Variants in WWOX observed in about 807,000 individuals in gnomAD.
The protein encoded by WWOX is WW domain-containing oxidoreductase.
WWOX carries 69 observed loss-of-function variants against 46.2 expected under a neutral mutation model. The ratio of observed to expected loss-of-function variants is 1.49; its 90% CI spans 1.23 to 1.82. The LOEUF is 1.82. Among genes scored for constraint, WWOX ranks in the 40% most tolerant of loss-of-function variants. The probability of loss-of-function intolerance (pLI) is 0.00; values close to 1 mark genes in which losing one functional copy is unlikely to be tolerated. For missense variants in WWOX, 919 were observed against 542.6 expected (o/e 1.69, Z -6.89); for synonymous variants, 359 against 202.6 (o/e 1.77, Z -6.56).
intron 5 of WWOX, among the ~76,000 whole-genome samples, chr16:78,327,681 T>C (rs1230724184): frequency 1.3e-5 from 2 of 152,122 alleles, no homozygotes; most frequent in Non-Finnish European, 2.9e-5. Context: ...TCTTTGGTTT[T>C]CTCAGTAGAT....
At chr16:78,349,692 G>A (rs12935416) in intron 5 of WWOX, among the ~76,000 whole-genome samples, 59,758 of 117,430 alleles carry the variant, frequency 0.51, 23,387 homozygotes, top group African/African-American at 0.65. Context: ...TCATCAGCCA[G>A]GTGAAATTTG....
intron 6 of WWOX, among the ~76,000 whole-genome samples, chr16:78,418,659 A>G (rs191846890): frequency 1.6e-4 from 25 of 152,312 alleles, no homozygotes; most frequent in Admixed American, 1.5e-3. Flanking sequence ...ATATTAAAAA[A>G]TCAGTCAATA....
At chr16:78,534,349 A>G (rs2043704110) in intron 8 of WWOX, 1 of 152,252 alleles carries the variant, frequency 6.6e-6, no homozygotes, top group Non-Finnish European at 1.5e-5. Flanking sequence ...CTTTGTTATT[A>G]TAAATCCCCT....
Position 78,191,729 on chromosome 16 carries a change from A to T in WWOX, c.516+27440A>T, listed in dbSNP as rs564715409. Reference sequence around the variant, plus strand: ...TTCTTGATCCTCGGAAGAGATTCTTATCTGAGAGGGGATTTGAGAATGGCA... The same window carrying T: ...TTCTTGATCCTCGGAAGAGATTCTTTTCTGAGAGGGGATTTGAGAATGGCA... On this transcript the variant is annotated intron_variant, in intron 5 of 8. Coordinates refer to ENST00000566780, the MANE Select transcript of WWOX (RefSeq NM_016373.4). Among the ~76,000 whole-genome samples the T allele has an allele frequency of 3.3e-5, 5 of 152,232 alleles. No homozygotes were observed. In the South Asian group the frequency reaches 1.0e-3, roughly 32 times the overall value.
chr16:78,807,684 C>G (rs140415042), intron 8 of WWOX, among the ~76,000 whole-genome samples: 2 of 152,156 alleles, frequency 1.3e-5, no homozygotes, highest in Non-Finnish European at 2.9e-5. Flanking sequence ...TGGGCATCAG[C>G]TGATTCTCAG....
chr16:79,081,297 G>A (rs1597356810), intron 8 of WWOX, among the ~76,000 whole-genome samples: 1 of 152,122 alleles, frequency 6.6e-6, no homozygotes, highest in Non-Finnish European at 1.5e-5. Context: ...CTAGGGAGCT[G>A]GGATTACAGG....
chr16:78,533,539 C>T (rs1416077618), intron 8 of WWOX, among the ~76,000 whole-genome samples: 1 of 152,120 alleles, frequency 6.6e-6, no homozygotes, highest in East Asian at 1.9e-4. Flanking sequence ...CAAGCTTAGT[C>T]TACAGGTTCT....
At chr16:78,777,273 A>G (rs1056060166) in intron 8 of WWOX, among the ~76,000 whole-genome samples, 18 of 152,084 alleles carry the variant, frequency 1.2e-4, no homozygotes, top group Admixed American at 2.6e-4. Flanking sequence ...TCAGGTGTCA[A>G]TGCCATCCAA....
intron 8 of WWOX, among the ~76,000 whole-genome samples, chr16:78,486,446 A>G (rs2084638954): frequency 6.6e-6 from 1 of 152,214 alleles, no homozygotes; most frequent in Non-Finnish European, 1.5e-5. Context: ...AATACTTAAT[A>G]ATGAGTGTGC....
intron 8 of WWOX, among the ~76,000 whole-genome samples, chr16:79,187,961 T>C (rs1201138522): frequency 6.6e-6 from 1 of 152,216 alleles, no homozygotes; most frequent in Non-Finnish European, 1.5e-5. Context: ...ATGTTCCCTC[T>C]TATCTCGAAA....
At chr16:79,070,420 G>A (rs368265895) in intron 8 of WWOX, among the ~76,000 whole-genome samples, 7 of 152,258 alleles carry the variant, frequency 4.6e-5, no homozygotes, top group East Asian at 1.9e-4. Context: ...TGGAAATGAC[G>A]TATCAGTCCA....
intron 5 of WWOX, among the ~76,000 whole-genome samples, chr16:78,321,237 C>A (rs917914615): frequency 1.1e-4 from 16 of 150,704 alleles, no homozygotes; most frequent in Admixed American, 3.3e-4. Context: ...CTCCACAATT[C>A]TCTTTTGTTT....
chr16:79,062,612 A>G (rs1335138924), intron 8 of WWOX, among the ~76,000 whole-genome samples: 3 of 152,160 alleles, frequency 2.0e-5, no homozygotes. Flanking sequence ...AAATTAGTTT[A>G]ATGAATGTTT....
intron 8 of WWOX, among the ~76,000 whole-genome samples, chr16:79,198,172 AAC>A (rs1491187791): frequency 5.0e-4 from 74 of 149,480 alleles, no homozygotes; most frequent in African/African-American, 1.6e-3. Flanking sequence ...TAAAAAAAAA[AAC>A]AAAAACCACA....
At chr16:78,875,992 C>A (rs1013093864) in intron 8 of WWOX, among the ~76,000 whole-genome samples, 3 of 152,086 alleles carry the variant, frequency 2.0e-5, no homozygotes, top group Non-Finnish European at 2.9e-5. Context: ...GAGTTATACC[C>A]ACTTTAGGTC....
intron 8 of WWOX, among the ~76,000 whole-genome samples, chr16:78,471,150 A>T (rs76342715): frequency 3.3e-5 from 5 of 152,178 alleles, no homozygotes; most frequent in African/African-American, 1.2e-4. Context: ...CAAAAGAATG[A>T]CAGAAGGTCC....
chr16:78,768,550 G>C (rs185675875), intron 8 of WWOX, among the ~76,000 whole-genome samples: 1 of 150,828 alleles, frequency 6.6e-6, no homozygotes, highest in East Asian at 1.9e-4. Flanking sequence ...AGACTGCGCC[G>C]CTGCACTCCA....
intron 8 of WWOX, among the ~76,000 whole-genome samples, chr16:79,210,548 C>T (rs969971892): frequency 4.6e-5 from 7 of 152,238 alleles, no homozygotes; most frequent in East Asian, 1.9e-4. Context: ...TTACCTTTTC[C>T]GGTCCTCTCT....
chr16:78,632,983 C>T (rs1304747243), intron 8 of WWOX, among the ~76,000 whole-genome samples: 1 of 152,102 alleles, frequency 6.6e-6, no homozygotes, highest in African/African-American at 2.4e-5. Context: ...GTTAAGGTGG[C>T]CAGGCATGGT....
Sources: gnomAD v4.1 joint callset for allele counts (sites outside exome capture counted in the v4.1 genomes callset) on GRCh38, gnomAD v4.1.1 for gene constraint, MANE v1.5 for transcripts, NCBI Gene and HGNC (gene_info 2026-07-23, HGNC 2026-07-21) for gene names.